The following DCLK2 variants were observed in gnomAD, a reference collection of about 807,000 sequenced individuals.
The protein encoded by DCLK2 is doublecortin like kinase 2.
DCLK2 carries 31 observed loss-of-function variants against 78.4 expected under a neutral mutation model. The ratio of observed to expected loss-of-function variants is 0.40; its 90% CI spans 0.30 to 0.53. The LOEUF (loss-of-function observed/expected upper bound fraction) is 0.53, where lower values mean the gene tolerates loss of function less well. DCLK2 is among the 20% of genes least tolerant of loss of function. The pLI is 0.61. For synonymous variants in DCLK2, 407 were observed against 374.9 expected (o/e 1.09, Z -0.99); for missense variants, 872 against 973.7 (o/e 0.90, Z 1.39).
chr4:150,167,859 C>T (rs1371441723), intron 2 of DCLK2, among the ~76,000 whole-genome samples: 4 of 152,140 alleles, frequency 2.6e-5, no homozygotes, highest in African/African-American at 7.2e-5. Context: ...GGTATATGAC[C>T]TTCCTCTAGG....
At chr4:150,116,688 G>C (rs372237035) in intron 2 of DCLK2, among the ~76,000 whole-genome samples, 5 of 152,218 alleles carry the variant, frequency 3.3e-5, no homozygotes, top group African/African-American at 1.2e-4. Flanking sequence ...AGATTCCTTG[G>C]TTATAAATAG....
At chr4:150,254,566 A>C in intron 15 of DCLK2, 2 of 398,278 alleles carry the variant, frequency 5.0e-6, no homozygotes, top group Middle Eastern at 6.3e-4. Context: ...GTGGTAGGAA[A>C]AACCTGTATG....
intron 8 of DCLK2, among the ~76,000 whole-genome samples, chr4:150,230,006 G>A (rs1741921172): frequency 6.6e-6 from 1 of 152,136 alleles, no homozygotes. Context: ...ACTTTATTTT[G>A]CTTCTGATGA....
intron 1 of DCLK2, among the ~76,000 whole-genome samples, chr4:150,093,514 T>C (rs995207987): frequency 3.3e-5 from 5 of 152,226 alleles, no homozygotes; most frequent in Admixed American, 3.3e-4. Context: ...CACGAGTAGC[T>C]GGAATTACAG....
At chr4:150,090,130 G>A (rs1034818060) in intron 1 of DCLK2, among the ~76,000 whole-genome samples, 2 of 140,254 alleles carry the variant, frequency 1.4e-5, no homozygotes, top group Non-Finnish European at 3.2e-5. Context: ...TATGGGCTGG[G>A]CACGGTGGCT....
chr4:150,079,490 C>T (rs533492786), intron 1 of DCLK2, 42 bp downstream of exon 1: 19 of 1,437,722 alleles, frequency 1.3e-5, no homozygotes, highest in Admixed American at 5.9e-5. Context: ...GGCGGAGCGC[C>T]GGCAGGTGCA....
chr4:150,177,262 C>A (rs1184256017), intron 2 of DCLK2, among the ~76,000 whole-genome samples: 2 of 152,054 alleles, frequency 1.3e-5, no homozygotes, highest in African/African-American at 4.8e-5. Flanking sequence ...AGATATAGCT[C>A]CAACCTGAAT....
At position 150,256,946 on chromosome 4, in the gene DCLK2, G is replaced by A. The variant is rs985095183; in HGVS notation, c.*699G>A. 1.3e-5 allele frequency: 2 copies of A among 152,256 alleles called. No individual in the cohort carries two copies. Among genetic ancestry groups the A allele is most frequent in the Admixed American group, 6.5e-5 (1 of 15,292 alleles). 9.4% of individuals were successfully genotyped at this position (152,256 alleles called of 1,614,324 possible). A position where few individuals can be genotyped will look rare whatever the true frequency, so the allele number is the denominator to read the frequency against. On this transcript the variant is annotated 3_prime_UTR_variant, in exon 16 of 16. Transcript: ENST00000296550. ...ATTCATTCATACACAGACGATGGAA[G>A]AAGCCACTTCTTCCCTGGGCGGTGT...
At chr4:150,157,703 G>A (rs191482500) in intron 2 of DCLK2, among the ~76,000 whole-genome samples, 9 of 152,158 alleles carry the variant, frequency 5.9e-5, no homozygotes, top group Admixed American at 2.6e-4. Context: ...ATTAGAGACC[G>A]GGTTTCACCA....
intron 1 of DCLK2, among the ~76,000 whole-genome samples, chr4:150,094,572 T>C (rs988566436): frequency 6.6e-6 from 1 of 152,184 alleles, no homozygotes; most frequent in South Asian, 2.1e-4. Flanking sequence ...CCTACGAGTG[T>C]CTCAGACCAT....
At position 150,078,793 on chromosome 4, in the gene DCLK2, A is replaced by G. The variant is rs2150123079; in HGVS notation, c.-235A>G. ...CCCCGGCAGGCGGGAGGCACGGAGC[A>G]AGTCGCACTGGACAATGACCTGGGC... On this transcript the variant is annotated 5_prime_UTR_variant, in exon 1 of 16. Coordinates refer to ENST00000296550, the MANE Select transcript of DCLK2 (RefSeq NM_001040260.4). 1 of 404,064 alleles carries G rather than the reference A, an allele frequency of 2.5e-6. No individual in the cohort carries two copies. Among genetic ancestry groups the G allele is most frequent in the Non-Finnish European group, 4.2e-6 (1 of 235,714 alleles). 25.0% of individuals were successfully genotyped at this position (404,064 alleles called of 1,614,324 possible). A position where few individuals can be genotyped will look rare whatever the true frequency, so the allele number is the denominator to read the frequency against.
intron 5 of DCLK2, among the ~76,000 whole-genome samples, chr4:150,213,056 G>T (rs752164472): frequency 2.6e-5 from 4 of 152,214 alleles, no homozygotes; most frequent in Non-Finnish European, 5.9e-5. Context: ...CACACCACCT[G>T]TCTGTTGGTC....
At chr4:150,190,243 A>ATGGATAGT (rs1560850827) in intron 2 of DCLK2, among the ~76,000 whole-genome samples, 1 of 12,050 alleles carries the variant, frequency 8.3e-5, no homozygotes, top group Non-Finnish European at 1.8e-4. Context: ...AGTTAGATAG[A>ATGGATAGT]TAGATAGATA....
At chr4:150,098,386 G>T (rs555720432) in intron 1 of DCLK2, among the ~76,000 whole-genome samples, 4 of 152,214 alleles carry the variant, frequency 2.6e-5, no homozygotes, top group Non-Finnish European at 5.9e-5. Context: ...AAAATGGCTT[G>T]ACTCTGAGTG....
At chr4:150,103,119 A>G (rs908377774) in intron 2 of DCLK2, among the ~76,000 whole-genome samples, 1 of 152,176 alleles carries the variant, frequency 6.6e-6, no homozygotes, top group Non-Finnish European at 1.5e-5. Flanking sequence ...GAGACATCCT[A>G]CGTTAAATGG....
At chr4:150,227,454 A>G (rs375101468) in intron 8 of DCLK2, among the ~76,000 whole-genome samples, 1 of 152,200 alleles carries the variant, frequency 6.6e-6, no homozygotes, top group African/African-American at 2.4e-5. Flanking sequence ...AAGATGCTAT[A>G]GAGGAAGAAG....
chr4:150,099,087 G>C (rs1302598277), intron 1 of DCLK2, among the ~76,000 whole-genome samples: 1 of 152,144 alleles, frequency 6.6e-6, no homozygotes, highest in Non-Finnish European at 1.5e-5. Context: ...GAGAATGGAA[G>C]AAATGGGAGA....
intron 2 of DCLK2, among the ~76,000 whole-genome samples, chr4:150,130,587 G>C (rs1294436675): frequency 5.9e-5 from 9 of 152,112 alleles, no homozygotes; most frequent in African/African-American, 1.9e-4. Flanking sequence ...ATTTGGAGAT[G>C]GAGAGTTAAG....
At chr4:150,247,549 G>A (rs1450231613) in intron 12 of DCLK2, 54 bp from the exon 13 acceptor site, 5 of 1,552,810 alleles carry the variant, frequency 3.2e-6, no homozygotes, top group Middle Eastern at 1.7e-4. Flanking sequence ...ACATTTTGTT[G>A]AAAAATTCTA....
Sources: allele counts gnomAD v4.1 joint callset (sites outside exome capture counted in the v4.1 genomes callset), GRCh38; gene constraint gnomAD v4.1.1; transcripts MANE v1.5; gene names NCBI Gene and HGNC (gene_info 2026-07-23, HGNC 2026-07-21).